The following OTOA variants were observed in gnomAD, a reference collection of about 807,000 sequenced individuals.
OTOA encodes otoancorin.
A neutral mutation model predicts 110.8 loss-of-function variants in OTOA; 70 were observed. The observed-to-expected ratio is 0.63, with a 90% CI of 0.52 to 0.77. OTOA has a LOEUF of 0.77. OTOA is among the 30% of genes least tolerant of loss of function. The probability of loss-of-function intolerance (pLI) is 0.00; values close to 1 mark genes in which losing one functional copy is unlikely to be tolerated. For missense variants in OTOA, 917 were observed against 1,075.8 expected (o/e 0.85, Z 2.06); for synonymous variants, 373 against 431.5 (o/e 0.86, Z 1.68).
chr16:21,671,793 A>T (rs1966849527), intron 1 of OTOA, among the ~76,000 whole-genome samples: 2 of 151,994 alleles, frequency 1.3e-5, no homozygotes, highest in Non-Finnish European at 2.9e-5. Context: ...GTTCAGTGAG[A>T]TCTGATAAAT....
intron 8 of OTOA, among the ~76,000 whole-genome samples, chr16:21,689,111 C>T (rs111253174): frequency 6.6e-6 from 1 of 152,096 alleles, no homozygotes; most frequent in African/African-American, 2.4e-5. Flanking sequence ...CTTGAAGGGC[C>T]ATAGGCATTG....
At chr16:21,696,006 T>C (rs1897933058) in intron 9 of OTOA, among the ~76,000 whole-genome samples, 1 of 149,870 alleles carries the variant, frequency 6.7e-6, no homozygotes, top group African/African-American at 2.5e-5. Context: ...GTGATTCTCC[T>C]GCCTCAGCTT....
At chr16:21,667,801 T>G (rs1966843614) in intron 1 of OTOA, among the ~76,000 whole-genome samples, 1 of 152,224 alleles carries the variant, frequency 6.6e-6, no homozygotes, top group African/African-American at 2.4e-5. Context: ...CAATAAAACT[T>G]TATTTATAGA....
At chr16:21,721,089 A>G (rs1417075277) in intron 17 of OTOA, among the ~76,000 whole-genome samples, 2 of 151,222 alleles carry the variant, frequency 1.3e-5, no homozygotes, top group South Asian at 2.1e-4. Context: ...TAATTTTTGT[A>G]TTTTTAGTAG....
chr16:21,735,792 C>T (rs1395497950), intron 21 of OTOA, among the ~76,000 whole-genome samples: 1 of 152,066 alleles, frequency 6.6e-6, no homozygotes, highest in African/African-American at 2.4e-5. Flanking sequence ...TGGGGTTTCA[C>T]CATGTTGGCC....
intron 8 of OTOA, among the ~76,000 whole-genome samples, chr16:21,688,198 G>A (rs1411021047): frequency 6.6e-6 from 1 of 151,546 alleles, no homozygotes; most frequent in Non-Finnish European, 1.5e-5. Flanking sequence ...GACCAGCCTG[G>A]CCAACATAAT....
intron 1 of OTOA, among the ~76,000 whole-genome samples, chr16:21,669,663 T>C (rs1966846555): frequency 1.3e-5 from 2 of 152,160 alleles, no homozygotes; most frequent in Non-Finnish European, 2.9e-5. Context: ...ATTCGATCTT[T>C]TGGTTCCGCC....
At chr16:21,725,537 G>T (rs1898886416) in intron 18 of OTOA, among the ~76,000 whole-genome samples, 1 of 152,196 alleles carries the variant, frequency 6.6e-6, no homozygotes, top group African/African-American at 2.4e-5. Context: ...ACCCACCTTG[G>T]CCTCCCAAAG....
intron 15 of OTOA, 52 bp from the exon 16 acceptor site, chr16:21,719,081 T>G: frequency 6.5e-7 from 1 of 1,530,010 alleles, no homozygotes; most frequent in South Asian, 1.1e-5. Context: ...CTCACAGTGT[T>G]GGGCACACGC....
At chr16:21,723,498 T>C (rs1397857410) in intron 18 of OTOA, among the ~76,000 whole-genome samples, 9 of 152,112 alleles carry the variant, frequency 5.9e-5, no homozygotes, top group Admixed American at 5.9e-4. Flanking sequence ...CTCAGATAGC[T>C]AAATTTTCTA....
At chr16:21,664,886 C>T (rs557806968) in intron 1 of OTOA, among the ~76,000 whole-genome samples, 4 of 151,952 alleles carry the variant, frequency 2.6e-5, no homozygotes, top group Admixed American at 2.0e-4. Flanking sequence ...GCAGGAGAAT[C>T]GCATCAATCC....
chr16:21,734,322 A>G (rs1337421157), intron 21 of OTOA, among the ~76,000 whole-genome samples: 1 of 149,644 alleles, frequency 6.7e-6, no homozygotes, highest in Non-Finnish European at 1.5e-5. Flanking sequence ...CTAAATGATG[A>G]GAACACGTTG....
intron 1 of OTOA, among the ~76,000 whole-genome samples, chr16:21,674,814 AT>A (rs1966854003): frequency 7.8e-6 from 1 of 128,106 alleles, no homozygotes; most frequent in African/African-American, 3.0e-5. Context: ...TTCTGATTGG[AT>A]TGCTTATTTA....
Position 21,721,345 on chromosome 16 carries a change from T to C in OTOA, c.1807-1560T>C, listed in dbSNP as rs1337089186. 13 of 453,004 alleles carry C rather than the reference T, an allele frequency of 2.9e-5. No individual in the cohort carries two copies. The East Asian group carries it at 9.1e-4, about 32-fold the overall frequency. The allele number at this position is 453,004 out of a possible 1,614,324, so 28.1% of individuals were successfully genotyped here. ...CCCAGAGCAGTTGTTCTCAACAGAG[T>C]ACTGTTTTGCCCTCTTAGGGGACTT... On this transcript the variant is annotated intron_variant, in intron 17 of 28. Coordinates refer to ENST00000646100, the MANE Select transcript of OTOA (RefSeq NM_144672.4).
rs1465682902 is a variant in OTOA at position 21,752,474 on chromosome 16, T to G, written c.3024T>G (p.Ser1008Arg). ...TTGGGGATCCCACTGAGTGGACCAGTTCTGTCTTGCAGGAGCTTGGGACCA... is the reference window on the plus strand; with the variant it reads ...TTGGGGATCCCACTGAGTGGACCAGGTCTGTCTTGCAGGAGCTTGGGACCA... Reference protein sequence around the residue: ...VVFGDPTEWTSSVLQELGTIA... With the variant: ...VVFGDPTEWTRSVLQELGTIA... The change falls in exon 26 of 29, where the codon AGT becomes AGG. Residue 1008 changes from serine (S) to arginine (R), a missense_variant. By Grantham distance (110) the Ser-to-Arg change is moderately radical. Coordinates refer to ENST00000646100, the MANE Select transcript of OTOA (RefSeq NM_144672.4). 2.5e-6 allele frequency: 1 copy of G among 394,214 alleles called. No individual in the cohort carries two copies. Among genetic ancestry groups the G allele is most frequent in the Non-Finnish European group, 5.0e-6 (1 of 199,876 alleles). The allele number at this position is 394,214 out of a possible 1,614,324, so 24.4% of individuals were successfully genotyped here. A position where few individuals can be genotyped will look rare whatever the true frequency, so the allele number is the denominator to read the frequency against.
intron 8 of OTOA, among the ~76,000 whole-genome samples, chr16:21,689,808 C>A (rs948607065): frequency 5.3e-5 from 8 of 152,082 alleles, no homozygotes; most frequent in African/African-American, 1.9e-4. Flanking sequence ...GTCTCAGCCT[C>A]CCAAGTAGCT....
intron 17 of OTOA, among the ~76,000 whole-genome samples, chr16:21,721,990 G>A (rs773038095): frequency 4.6e-5 from 7 of 151,234 alleles, no homozygotes; most frequent in Non-Finnish European, 7.4e-5. Flanking sequence ...TTAGGAGGCC[G>A]AGATGGGTGG....
At chr16:21,699,820 G>T (rs954436313) in intron 10 of OTOA, among the ~76,000 whole-genome samples, 1 of 152,110 alleles carries the variant, frequency 6.6e-6, no homozygotes, top group Admixed American at 6.6e-5. Context: ...TCAGGAGGCT[G>T]AGGCAGGAGT....
At chr16:21,681,692 G>A in intron 5 of OTOA, 46 bp from the exon 6 acceptor site, 2 of 1,532,848 alleles carry the variant, frequency 1.3e-6, no homozygotes, top group Non-Finnish European at 1.8e-6. Context: ...AGTGCTTGTA[G>A]GAGAATCTGT....
Sources: allele counts gnomAD v4.1 joint callset (sites outside exome capture counted in the v4.1 genomes callset), GRCh38; gene constraint gnomAD v4.1.1; transcripts MANE v1.5; gene names NCBI Gene and HGNC (gene_info 2026-07-23, HGNC 2026-07-21).